ZNF804B: variants seen among roughly 807,000 people sequenced by gnomAD.
ZNF804B encodes zinc finger 804B.
ZNF804B carries 80 observed loss-of-function variants against 101.4 expected under a neutral mutation model. The ratio of observed to expected loss-of-function variants is 0.79; its 90% CI spans 0.66 to 0.95. The LOEUF is 0.95. Among genes scored for constraint, ZNF804B ranks in the 40% least tolerant of loss-of-function variants. ZNF804B has a pLI of 0.00. For synonymous variants in ZNF804B, 622 were observed against 558.8 expected (o/e 1.11, Z -1.59); for missense variants, 1,673 against 1,561.9 (o/e 1.07, Z -1.20).
chr7:88,884,429 A>G (rs1029306950), intron 1 of ZNF804B, among the ~76,000 whole-genome samples: 11 of 151,624 alleles, frequency 7.3e-5, no homozygotes, highest in Non-Finnish European at 1.5e-4. Context: ...TTATATCTAT[A>G]TATCTATTTA....
chr7:89,313,417 T>A (rs1442389846), intron 2 of ZNF804B, among the ~76,000 whole-genome samples: 2 of 152,216 alleles, frequency 1.3e-5, no homozygotes, highest in Non-Finnish European at 2.9e-5. Flanking sequence ...TGAATTCACT[T>A]CACATGTGTG....
intron 1 of ZNF804B, among the ~76,000 whole-genome samples, chr7:88,802,191 A>T (rs1790602736): frequency 6.6e-6 from 1 of 152,162 alleles, no homozygotes; most frequent in Admixed American, 6.5e-5. Flanking sequence ...CTCCTCAATC[A>T]TGCGAAACTG....
intron 2 of ZNF804B, among the ~76,000 whole-genome samples, chr7:89,323,912 T>A (rs1003590474): frequency 6.6e-6 from 1 of 152,084 alleles, no homozygotes; most frequent in African/African-American, 2.4e-5. Context: ...CTGACAATCA[T>A]TGTATGTGCC....
At chr7:88,939,163 C>T (rs1250171700) in intron 1 of ZNF804B, among the ~76,000 whole-genome samples, 1 of 151,886 alleles carries the variant, frequency 6.6e-6, no homozygotes, top group Non-Finnish European at 1.5e-5. Context: ...CAGGAACCCC[C>T]CTGGGATACC....
At chr7:89,243,062 T>C (rs1789393158) in intron 2 of ZNF804B, among the ~76,000 whole-genome samples, 1 of 151,824 alleles carries the variant, frequency 6.6e-6, no homozygotes, top group Admixed American at 6.6e-5. Context: ...TGGAAGATTT[T>C]ACAAAATACA....
rs1304373136 is a variant in ZNF804B, at chr7:89,009,121, G to A, written c.109-209034G>A. 2.0e-5 allele frequency among the ~76,000 whole-genome samples: 3 copies of A among 152,032 alleles called. No individual in the cohort carries two copies. In the East Asian group the frequency reaches 5.8e-4, roughly 29 times the overall value. Reference sequence around the variant, plus strand: ...ATGTGACTAAAATTCTGTTTTCAAAGGTTATCCTTTGGTCTCAGAATTCTT... The same window carrying A: ...ATGTGACTAAAATTCTGTTTTCAAAAGTTATCCTTTGGTCTCAGAATTCTT... On this transcript the variant is annotated intron_variant, in intron 1 of 3. Transcript: ENST00000333190.
chr7:88,956,441 C>T (rs1277747158), intron 1 of ZNF804B, among the ~76,000 whole-genome samples: 1 of 151,398 alleles, frequency 6.6e-6, no homozygotes, highest in East Asian at 2.0e-4. Flanking sequence ...ATTGGCTTTG[C>T]TATTAGCACC....
chr7:88,935,440 T>C (rs914434446), intron 1 of ZNF804B, among the ~76,000 whole-genome samples: 6 of 151,532 alleles, frequency 4.0e-5, no homozygotes, highest in Non-Finnish European at 7.4e-5. Flanking sequence ...TCTTAGCACT[T>C]TGGGAGGCTG....
intron 2 of ZNF804B, among the ~76,000 whole-genome samples, chr7:89,245,686 A>T (rs1170305269): frequency 2.0e-5 from 3 of 152,140 alleles, no homozygotes; most frequent in African/African-American, 7.2e-5. Flanking sequence ...TTGAAATAGG[A>T]ACAGTGCATA....
intron 1 of ZNF804B, among the ~76,000 whole-genome samples, chr7:88,765,030 A>T (rs895441064): frequency 2.0e-5 from 3 of 152,206 alleles, no homozygotes; most frequent in African/African-American, 7.2e-5. Context: ...GATTTCAATA[A>T]CTTTTTAGTT....
chr7:89,200,808 T>C (rs898622203), intron 1 of ZNF804B, among the ~76,000 whole-genome samples: 1 of 152,036 alleles, frequency 6.6e-6, no homozygotes, highest in Non-Finnish European at 1.5e-5. Flanking sequence ...ATTCATTTTC[T>C]TTTTTACCCT....
intron 1 of ZNF804B, among the ~76,000 whole-genome samples, chr7:89,138,891 C>A (rs1356756351): frequency 6.6e-6 from 1 of 152,092 alleles, no homozygotes; most frequent in African/African-American, 2.4e-5. Context: ...GCTTCCCCAG[C>A]CACATGGAAC....
chr7:89,211,501 T>C (rs995593563), intron 1 of ZNF804B, among the ~76,000 whole-genome samples: 1 of 152,232 alleles, frequency 6.6e-6, no homozygotes, highest in Admixed American at 6.5e-5. Flanking sequence ...GTTTTGGGTT[T>C]TATATATAAG....
chr7:88,872,284 G>T (rs1054654500), intron 1 of ZNF804B, among the ~76,000 whole-genome samples: 1 of 151,986 alleles, frequency 6.6e-6, no homozygotes, highest in Non-Finnish European at 1.5e-5. Context: ...TAAAATCCAC[G>T]ATCATGCCTG....
At chr7:88,957,952 C>A (rs1257805663) in intron 1 of ZNF804B, among the ~76,000 whole-genome samples, 1 of 150,534 alleles carries the variant, frequency 6.6e-6, no homozygotes, top group African/African-American at 2.4e-5. Flanking sequence ...ATACAGAGTA[C>A]TATTATATCT....
At position 89,220,045 on chromosome 7, in the gene ZNF804B, G is replaced by GTGTGTATA. The variant is rs1426877736; in HGVS notation, c.249+1750_249+1751insTGTGTATA. Reference sequence around the variant, plus strand: ...TACATATATATACGCACATATATGTGCATATATACATATATACGCACATAT... The same window carrying GTGTGTATA: ...TACATATATATACGCACATATATGTGTGTGTATACATATATACATATATACGCACATAT... On this transcript the variant is annotated intron_variant, in intron 2 of 3. Coordinates refer to ENST00000333190, the MANE Select transcript of ZNF804B (RefSeq NM_181646.5). Among the ~76,000 whole-genome samples, 11 of 95,194 alleles carry GTGTGTATA rather than the reference G, an allele frequency of 1.2e-4. 1 individual carries two copies. The highest frequency in any genetic ancestry group is 4.2e-4 in the African/African-American group (9 of 21,254). The allele number at this position is 95,194 out of a possible 152,430, so 62.5% of individuals were successfully genotyped here. A position where few individuals can be genotyped will look rare whatever the true frequency, so the allele number is the denominator to read the frequency against.
intron 1 of ZNF804B, among the ~76,000 whole-genome samples, chr7:88,968,137 C>G (rs931712587): frequency 7.3e-5 from 6 of 82,364 alleles, no homozygotes; most frequent in African/African-American, 1.3e-4. Flanking sequence ...CAAAGTTAAC[C>G]GAATTTTTCA....
intron 1 of ZNF804B, among the ~76,000 whole-genome samples, chr7:88,862,275 C>T (rs1449054241): frequency 6.6e-6 from 1 of 152,160 alleles, no homozygotes; most frequent in Admixed American, 6.6e-5. Context: ...CTCATACTTT[C>T]AAGGCACCAT....
At chr7:89,103,062 T>TTTTTTGTTTTG (rs1790084206) in intron 1 of ZNF804B, among the ~76,000 whole-genome samples, 1 of 135,174 alleles carries the variant, frequency 7.4e-6, no homozygotes, top group African/African-American at 2.9e-5. Flanking sequence ...TTTTTTTTTT[T>TTTTTTGTTTTG]TTTTTTTTTT....
Sources: gnomAD v4.1 joint callset for allele counts (sites outside exome capture counted in the v4.1 genomes callset) on GRCh38, gnomAD v4.1.1 for gene constraint, MANE v1.5 for transcripts, NCBI Gene and HGNC (gene_info 2026-07-23, HGNC 2026-07-21) for gene names.